PRRC2C: variants seen among roughly 807,000 people sequenced by gnomAD.
PRRC2C encodes the protein protein PRRC2C.
A neutral mutation model predicts 317.2 loss-of-function variants in PRRC2C; 72 were observed. That is an observed-to-expected ratio of 0.23 (90% CI 0.19 to 0.28). The LOEUF is 0.28. Ranked by LOEUF, PRRC2C falls within the 10% of genes least tolerant of loss-of-function variation. PRRC2C has a pLI of 1.00. For synonymous variants in PRRC2C, 1,296 were observed against 1,205.9 expected, an observed-to-expected ratio of 1.07 and a Z score of -1.55; for missense variants, 3,074 against 3,459.7, an observed-to-expected ratio of 0.89 and a Z score of 2.80.
intron 1 of PRRC2C, among the ~76,000 whole-genome samples, chr1:171,502,701 A>C (rs1453011020): frequency 6.6e-6 from 1 of 152,142 alleles, no homozygotes; most frequent in African/African-American, 2.4e-5. Flanking sequence ...GAACATACCA[A>C]CTACTCTAGT....
intron 22 of PRRC2C, among the ~76,000 whole-genome samples, chr1:171,567,387 A>G (rs1683873480): frequency 6.6e-6 from 1 of 152,248 alleles, no homozygotes; most frequent in Admixed American, 6.5e-5. Flanking sequence ...ACAGACACTC[A>G]TGGGAATAGC....
intron 19 of PRRC2C, among the ~76,000 whole-genome samples, chr1:171,558,786 G>A (rs1022053582): frequency 1.3e-5 from 2 of 152,158 alleles, no homozygotes; most frequent in Non-Finnish European, 2.9e-5. Context: ...GCTTCTAAGT[G>A]TTCAAGTGGA....
rs1217983962 is a variant in PRRC2C at position 171,540,020 on chromosome 1, G to A, written c.2554G>A (p.Glu852Lys). The part of the protein sequence containing the change: ...QEQITAAYSV[E>K]HNQLEAHPKA... ...ACAGATTACTGCTGCTTATTCTGTA[G>A]AACATAATCAATTAGAGGCTCACCC... Residue 852 changes from glutamate (E) to lysine (K), a missense_variant, in exon 16 of 35, where the codon GAA becomes AAA. Transcript: ENST00000647382. 6.2e-7 allele frequency: 1 copy of A among 1,613,774 alleles called. No individual in the cohort carries two copies. The highest frequency in any genetic ancestry group is 8.5e-7 in the Non-Finnish European group (1 of 1,179,868).
At position 171,541,380 on chromosome 1, in the gene PRRC2C, C is replaced by G. The variant is rs186657370; in HGVS notation, c.3914C>G (p.Ser1305Cys). 1.2e-5 allele frequency: 19 copies of G among 1,612,626 alleles called. No individual in the cohort carries two copies. The East Asian group carries it at 4.2e-4, about 36-fold the overall frequency. The change falls in exon 16 of 35, where the codon TCT (serine) becomes TGT (cysteine). Residue 1305 changes from serine to cysteine, a missense_variant. This residue lies in a region of PRRC2C where 1,320 missense variants were observed against 1,395.7 expected (regional missense o/e 0.95). Transcript: ENST00000647382. This position sits in a 1 kb window ranked among gnomAD's most constrained non-coding sequence, Gnocchi z 4.1. Reference sequence around the variant, plus strand: ...AACAAAAAACCTGTAAAGCCTCATTCTTCTTTCAAGCCTGATAATCATGTT... The same window carrying G: ...AACAAAAAACCTGTAAAGCCTCATTGTTCTTTCAAGCCTGATAATCATGTT... ...PENKKPVKPHSSFKPDNHVRI... is the reference protein window; with the variant it reads ...PENKKPVKPHCSFKPDNHVRI...
rs57038750 is a variant in PRRC2C, at chr1:171,535,794, A to G, written c.2043+197A>G. 8.5e-3 allele frequency among the ~76,000 whole-genome samples: 1,297 copies of G among 152,268 alleles called. 18 individuals carry two copies. The highest frequency in any genetic ancestry group is 0.03 in the African/African-American group (1,250 of 41,550). On this transcript the variant is annotated intron_variant, in intron 13 of 34. Transcript: ENST00000647382. ...TTCCTTTTGATCTTCTGCCTCATTT[A>G]TAGACACCATCTTCCATTTCTAGGA...
chr1:171,512,217 G>A lies in PRRC2C; in HGVS notation c.112+17G>A. 1 of 1,473,008 alleles carries A rather than the reference G, an allele frequency of 6.8e-7. No homozygotes were observed. Among genetic ancestry groups the A allele is most frequent in the Non-Finnish European group, 9.3e-7 (1 of 1,074,330 alleles). The allele number at this position is 1,473,008 out of a possible 1,614,324, so 91.2% of individuals were successfully genotyped here. A position where few individuals can be genotyped will look rare whatever the true frequency, so the allele number is the denominator to read the frequency against. On this transcript the variant is annotated intron_variant, in intron 2 of 34. Transcript: ENST00000647382. ...AAACCACAGGTGAGTAAAATCAAGT[G>A]ACACTTATGTTTTTCATGGTTTGTT...
Position 171,591,885 on chromosome 1 carries a change from G to GCCCCCCCCCCCC in PRRC2C, c.*38_*39insCCCCCCCCCCCC. ...ATTGCAGGGGATTGGGAGGGGGGCG[G>GCCCCCCCCCCCC]GAAAACATGGAGAATTAAGTCAGAT... On this transcript the variant is annotated 3_prime_UTR_variant, in exon 35 of 35. Transcript: ENST00000647382. The GCCCCCCCCCCCC allele has an allele frequency of 2.3e-6, 1 of 433,596 alleles. No individual in the cohort carries two copies. The highest frequency in any genetic ancestry group is 4.3e-6 in the Non-Finnish European group (1 of 233,620). 26.9% of individuals were successfully genotyped at this position (433,596 alleles called of 1,614,324 possible). A position where few individuals can be genotyped will look rare whatever the true frequency, so the allele number is the denominator to read the frequency against.
intron 28 of PRRC2C, among the ~76,000 whole-genome samples, chr1:171,583,475 T>A (rs201863181): frequency 1.3e-5 from 2 of 152,266 alleles, no homozygotes; most frequent in East Asian, 3.9e-4. Flanking sequence ...AGCTGTCATG[T>A]CCTATGATAA....
At chr1:171,491,327 C>T (rs962662803) in intron 1 of PRRC2C, among the ~76,000 whole-genome samples, 6 of 152,186 alleles carry the variant, frequency 3.9e-5, no homozygotes, top group African/African-American at 1.4e-4. Flanking sequence ...AGCTTGTATA[C>T]TGCCCAAAGA....
At chr1:171,516,833 G>A (rs1295663144) in intron 5 of PRRC2C, among the ~76,000 whole-genome samples, 1 of 152,074 alleles carries the variant, frequency 6.6e-6, no homozygotes, top group Non-Finnish European at 1.5e-5. Context: ...CTCTTAGTGG[G>A]GCTGCTTATG....
At chr1:171,550,994 C>T (rs566058089) in intron 18 of PRRC2C, among the ~76,000 whole-genome samples, 137 of 152,200 alleles carry the variant, frequency 9.0e-4, no homozygotes, top group African/African-American at 2.9e-3. Context: ...GTAATGGGAT[C>T]GCTGGGGCAA....
chr1:171,515,890 AG>A lies in PRRC2C; in HGVS notation c.526+32del, dbSNP rs138582422. On this transcript the variant is annotated intron_variant, in intron 5 of 34. Transcript: ENST00000647382. ...AGTACTTTCTCTTTAATACAAAATG[AG>A]ATCATATTTGTGTATTATCTTGCAA... 1,008 of 1,554,130 alleles carry A rather than the reference AG, an allele frequency of 6.5e-4. 7 individuals carry two copies. In the African/African-American group the frequency reaches 0.012, roughly 19 times the overall value.
At chr1:171,517,890 G>A (rs1411458194) in intron 6 of PRRC2C, 76 bp downstream of exon 6, 2 of 1,260,374 alleles carry the variant, frequency 1.6e-6, no homozygotes, top group South Asian at 2.8e-5. Context: ...TTGTTATAGG[G>A]AAAAGTTTAG....
intron 16 of PRRC2C, among the ~76,000 whole-genome samples, chr1:171,543,554 A>G (rs564100771): frequency 2.0e-5 from 3 of 152,322 alleles, no homozygotes; most frequent in Middle Eastern, 3.4e-3. Flanking sequence ...TACCTGGTAT[A>G]TAGTAAGTAA....
At chr1:171,518,509 T>G (rs1193110573) in intron 6 of PRRC2C, among the ~76,000 whole-genome samples, 1 of 141,442 alleles carries the variant, frequency 7.1e-6, no homozygotes, top group Non-Finnish European at 1.5e-5. Context: ...TTTTTTTTTT[T>G]TTTTTGGAGA....
chr1:171,572,372 A>G (rs759389888), intron 24 of PRRC2C, among the ~76,000 whole-genome samples: 7 of 152,170 alleles, frequency 4.6e-5, no homozygotes, highest in Non-Finnish European at 8.8e-5. Context: ...CTAATATAGT[A>G]GGGCTTCCTG....
At chr1:171,497,786 C>T (rs906723027) in intron 1 of PRRC2C, among the ~76,000 whole-genome samples, 1 of 151,858 alleles carries the variant, frequency 6.6e-6, no homozygotes, top group Non-Finnish European at 1.5e-5. Flanking sequence ...GGTATTTTTA[C>T]GTTATACTAT....
chr1:171,566,895 A>G (rs1222492036), intron 22 of PRRC2C, 52 bp downstream of exon 22: 3 of 1,542,264 alleles, frequency 1.9e-6, no homozygotes, highest in African/African-American at 1.4e-5. Context: ...CATGTCTAAA[A>G]TGAACGAGAA....
At chr1:171,535,312 T>C in intron 12 of PRRC2C, 116 bp from the exon 13 acceptor site, 1 of 809,342 alleles carries the variant, frequency 1.2e-6, no homozygotes, top group South Asian at 2.3e-5. Flanking sequence ...TGTTTTAGAG[T>C]GTCGAGGATA....
Sources: allele counts gnomAD v4.1 joint callset (sites outside exome capture counted in the v4.1 genomes callset), GRCh38; gene constraint gnomAD v4.1.1; regional missense constraint gnomAD v4.1.1; non-coding constraint Gnocchi (gnomAD v3.1); transcripts MANE v1.5; gene names NCBI Gene and HGNC (gene_info 2026-07-23, HGNC 2026-07-21).